The following FAM234B variants were observed in gnomAD, a reference collection of about 807,000 sequenced individuals.
The protein encoded by FAM234B is family with sequence similarity 234 member B, also known as protein FAM234B.
FAM234B carries 33 observed loss-of-function variants against 69.3 expected under a neutral mutation model. The observed-to-expected ratio is 0.48, with a 90% CI of 0.36 to 0.64. The LOEUF (loss-of-function observed/expected upper bound fraction) is 0.64, where lower values mean the gene tolerates loss of function less well. FAM234B is among the 30% of genes least tolerant of loss of function. The probability of loss-of-function intolerance (pLI) is 0.00; values close to 1 mark genes in which losing one functional copy is unlikely to be tolerated. For missense variants in FAM234B, 697 were observed against 769.7 expected (o/e 0.91, Z 1.12); for synonymous variants, 306 against 306.9 (o/e 1.00, Z 0.03).
chr12:13,065,939 A>T (rs970776655), intron 5 of FAM234B, among the ~76,000 whole-genome samples: 1 of 152,104 alleles, frequency 6.6e-6, no homozygotes, highest in East Asian at 1.9e-4. Flanking sequence ...TTAACTGGTG[A>T]CTCTACCCCA....
chr12:13,052,873 A>G (rs1864889829), intron 1 of FAM234B, among the ~76,000 whole-genome samples: 1 of 152,226 alleles, frequency 6.6e-6, no homozygotes, highest in Non-Finnish European at 1.5e-5. Context: ...AGAACAAACA[A>G]TCACTTTAAA....
intron 5 of FAM234B, among the ~76,000 whole-genome samples, chr12:13,065,496 GC>G (rs1245259964): frequency 6.6e-6 from 1 of 152,138 alleles, no homozygotes; most frequent in South Asian, 2.1e-4. Context: ...TGTTTTTGCA[GC>G]CAAAGATAAT....
intron 1 of FAM234B, among the ~76,000 whole-genome samples, chr12:13,045,816 C>G (rs1387342145): frequency 3.3e-5 from 5 of 149,666 alleles, no homozygotes; most frequent in African/African-American, 1.2e-4. Flanking sequence ...AGATGTCAGA[C>G]ATTTAGCTTT....
intron 10 of FAM234B, 126 bp downstream of exon 10, chr12:13,071,522 G>C: frequency 1.2e-6 from 1 of 846,742 alleles, no homozygotes; most frequent in Non-Finnish European, 1.8e-6. Context: ...AAACAAGTCA[G>C]CACTCGCTGG....
chr12:13,070,729 A>T (rs1865096821), intron 9 of FAM234B, among the ~76,000 whole-genome samples: 1 of 152,062 alleles, frequency 6.6e-6, no homozygotes, highest in South Asian at 2.1e-4. Flanking sequence ...AGACTTCCCT[A>T]GGTCCATATG....
intron 11 of FAM234B, among the ~76,000 whole-genome samples, chr12:13,079,582 A>G (rs894222966): frequency 8.5e-5 from 13 of 152,194 alleles, no homozygotes; most frequent in African/African-American, 3.1e-4. Context: ...AGGTGCAAAG[A>G]CCAGGAAGAA....
Position 13,068,392 on chromosome 12 carries a change from C to T in FAM234B, c.1231C>T (p.Leu411Phe). ...TACAACCAGACAAAGCCTTGTGCTG[C>T]TTCGGGGGCAAAATCTGACACCTTA... ...LITTRQSLVL[L>F]RGQNLTPYWA... The change falls in exon 8 of 13, where the codon CTT (leucine) becomes TTT (phenylalanine). Residue 411 changes from leucine to phenylalanine, a missense_variant. Physicochemically the swap from Leu to Phe is conservative, Grantham distance 22. Coordinates refer to ENST00000197268, the MANE Select transcript of FAM234B (RefSeq NM_020853.2). The T allele has an allele frequency of 6.2e-7, 1 of 1,614,176 alleles. No homozygotes were observed. The highest frequency in any genetic ancestry group is 1.1e-5 in the South Asian group (1 of 91,084).
chr12:13,071,171 G>A, intron 9 of FAM234B, 70 bp from the exon 10 acceptor site: 1 of 1,516,626 alleles, frequency 6.6e-7, no homozygotes, highest in Admixed American at 1.7e-5. Flanking sequence ...GCATTTTTGT[G>A]TGTGCATTTT....
rs1414342007 is a variant in FAM234B at position 13,055,779 on chromosome 12, G to T, written c.266G>T (p.Gly89Val). 1.2e-6 allele frequency: 2 copies of T among 1,614,168 alleles called. No homozygotes were observed. Among genetic ancestry groups the T allele is most frequent in the Non-Finnish European group, 1.7e-6 (2 of 1,180,020 alleles). The change falls in exon 2 of 13, where the codon GGC becomes GTC. Residue 89 changes from glycine (G) to valine (V), a missense_variant. By Grantham distance (109) the Gly-to-Val change is moderately radical. Coordinates refer to ENST00000197268, the MANE Select transcript of FAM234B (RefSeq NM_020853.2). Reference protein sequence around the residue: ...TEGYPSEPLGGLEQKAASSLV... With the variant: ...TEGYPSEPLGVLEQKAASSLV... ...GGCTACCCCTCAGAACCCCTTGGGGGCCTGGAACAGAAGGCGGCCTCCTCC... is the reference window on the plus strand; with the variant it reads ...GGCTACCCCTCAGAACCCCTTGGGGTCCTGGAACAGAAGGCGGCCTCCTCC...
chr12:13,079,982 G>C lies in FAM234B; in HGVS notation c.1836G>C (p.Arg612Ser), dbSNP rs775909297. Residue 612 changes from arginine to serine, a missense_variant, in exon 12 of 13, where the codon AGG becomes AGC. Around this residue, in one of 3 missense-constraint regions of FAM234B, gnomAD observed 313 missense variants for 305.5 expected, o/e 1.02. Coordinates refer to ENST00000197268, the MANE Select transcript of FAM234B (RefSeq NM_020853.2). ...GRGELRRFLS[R>S]IKFVEAPYEI Reference sequence around the variant, plus strand: ...GGGAGCTGCGAAGATTTCTCTCTAGGATAAAGTTTGTTGAAGCTCCCTACG... The same window carrying C: ...GGGAGCTGCGAAGATTTCTCTCTAGCATAAAGTTTGTTGAAGCTCCCTACG... The C allele has an allele frequency of 2.5e-6, 4 of 1,607,874 alleles. No homozygotes were observed. In the South Asian group the frequency reaches 4.4e-5, roughly 18 times the overall value.
At chr12:13,065,443 C>T (rs1000009124) in intron 5 of FAM234B, among the ~76,000 whole-genome samples, 1 of 152,130 alleles carries the variant, frequency 6.6e-6, no homozygotes, top group African/African-American at 2.4e-5. Context: ...AATATATCAA[C>T]CTAAGGGAAT....
rs759108959 is a variant in FAM234B, at chr12:13,079,864, C to G, written c.1718C>G (p.Ala573Gly). 1 of 1,613,968 alleles carries G rather than the reference C, an allele frequency of 6.2e-7. No homozygotes were observed. The highest frequency in any genetic ancestry group is 8.5e-7 in the Non-Finnish European group (1 of 1,179,974). Residue 573 changes from alanine (A) to glycine (G), a missense_variant, in exon 12 of 13, where the codon GCA (alanine) becomes GGA (glycine). By Grantham distance (60) the Ala-to-Gly change is moderately conservative (BLOSUM62 0). Around this residue, in one of 3 missense-constraint regions of FAM234B, gnomAD observed 313 missense variants for 305.5 expected, o/e 1.02. Transcript: ENST00000197268. Reference sequence around the variant, plus strand: ...GGGCCAAGCTCCGAAGGCCATCCAGCAGCCCTGGTGGTCAGCAAGCTTAGT... The same window carrying G: ...GGGCCAAGCTCCGAAGGCCATCCAGGAGCCCTGGTGGTCAGCAAGCTTAGT... ...TTGPSSEGHP[A>G]ALVVSKLSLR...
intron 10 of FAM234B, 81 bp from the exon 11 acceptor site, chr12:13,075,945 A>C: frequency 2.1e-6 from 2 of 972,712 alleles, no homozygotes; most frequent in African/African-American, 1.6e-5. Context: ...ACCATTTTCT[A>C]CTCTGCCTTT....
At chr12:13,074,498 G>A (rs1311387210) in intron 10 of FAM234B, among the ~76,000 whole-genome samples, 1 of 152,132 alleles carries the variant, frequency 6.6e-6, no homozygotes, top group Admixed American at 6.5e-5. Flanking sequence ...AGTCTAAGAG[G>A]CAAATAAGAT....
chr12:13,080,482 G>A lies in FAM234B; in HGVS notation c.1864-143G>A, dbSNP rs558566506. ...ATAACAAAGTTTCTGGGCCTTTCTG[G>A]AAGGAGGAAATGTTTACAGACTATT... On this transcript the variant is annotated intron_variant, in intron 12 of 12. Coordinates refer to ENST00000197268, the MANE Select transcript of FAM234B (RefSeq NM_020853.2). 27 of 640,222 alleles carry A rather than the reference G, an allele frequency of 4.2e-5. No individual in the cohort carries two copies. The South Asian group carries it at 5.7e-4, about 14-fold the overall frequency. The allele number at this position is 640,222 out of a possible 1,614,324, so 39.7% of individuals were successfully genotyped here.
chr12:13,079,143 T>C (rs1323945399), intron 11 of FAM234B, among the ~76,000 whole-genome samples: 7 of 152,100 alleles, frequency 4.6e-5, no homozygotes, highest in Non-Finnish European at 7.4e-5. Context: ...CAAACTATAC[T>C]ACAAGGCTAC....
intron 5 of FAM234B, among the ~76,000 whole-genome samples, chr12:13,066,396 G>C (rs1017753977): frequency 6.6e-6 from 1 of 152,244 alleles, no homozygotes; most frequent in African/African-American, 2.4e-5. Context: ...TTCTGCTTCA[G>C]AGTAGCTGTC....
rs1865227075 is a variant in FAM234B, at chr12:13,081,583, G to T, written c.*953G>T. On this transcript the variant is annotated 3_prime_UTR_variant, in exon 13 of 13. Transcript: ENST00000197268. ...CACCCTCCTTAGCTCCCCTCACTCTGTTTTCTCTTCTATTCAGGGATATGT... is the reference window on the plus strand; with the variant it reads ...CACCCTCCTTAGCTCCCCTCACTCTTTTTTCTCTTCTATTCAGGGATATGT... 1 of 152,142 alleles carries T rather than the reference G, an allele frequency of 6.6e-6. No individual in the cohort carries two copies. The highest frequency in any genetic ancestry group is 1.5e-5 in the Non-Finnish European group (1 of 68,034). 9.4% of individuals were successfully genotyped at this position (152,142 alleles called of 1,614,324 possible).
rs1865244156 is a variant in FAM234B, at chr12:13,082,323, A to G, written c.*1693A>G. On this transcript the variant is annotated 3_prime_UTR_variant, in exon 13 of 13. Transcript: ENST00000197268. The stretch of plus-strand genomic sequence containing the variant: ...GATTCTAGAAAATTATGAAGTCCAG[A>G]TTCAAAGGGATCTCTGTTAATTACC... 1 of 152,146 alleles carries G rather than the reference A, an allele frequency of 6.6e-6. No homozygotes were observed. Among genetic ancestry groups the G allele is most frequent in the African/African-American group, 2.4e-5 (1 of 41,424 alleles). 9.4% of individuals were successfully genotyped at this position (152,146 alleles called of 1,614,324 possible).
Sources: allele counts gnomAD v4.1 joint callset (sites outside exome capture counted in the v4.1 genomes callset), GRCh38; gene constraint gnomAD v4.1.1; regional missense constraint gnomAD v4.1.1; transcripts MANE v1.5; gene names NCBI Gene and HGNC (gene_info 2026-07-23, HGNC 2026-07-21).